CACNA1H: variants seen among roughly 807,000 people sequenced by gnomAD.
CACNA1H encodes the protein calcium voltage-gated channel subunit alpha1 H, also known as voltage-dependent T-type calcium channel subunit alpha-1H.
In CACNA1H, 149 loss-of-function variants were observed where a neutral mutation model predicts 192.5. The ratio of observed to expected loss-of-function variants is 0.77; its 90% CI spans 0.68 to 0.89. CACNA1H has a LOEUF of 0.89. CACNA1H is among the 40% of genes least tolerant of loss of function. CACNA1H has a pLI of 0.00. For synonymous variants in CACNA1H, 2,202 were observed against 1,475.2 expected (o/e 1.49, Z -11.29); for missense variants, 4,257 against 3,423.5 (o/e 1.24, Z -6.08).
At chr16:1,185,506 C>T (rs980101845) in intron 2 of CACNA1H, among the ~76,000 whole-genome samples, 2 of 146,430 alleles carry the variant, frequency 1.4e-5, no homozygotes, top group African/African-American at 2.5e-5. Context: ...CAGAGTCCCC[C>T]CCCCCGCCGA....
At chr16:1,199,779 G>C (rs1161190315) in intron 6 of CACNA1H, among the ~76,000 whole-genome samples, 1 of 148,786 alleles carries the variant, frequency 6.7e-6, no homozygotes, top group Non-Finnish European at 1.5e-5. Flanking sequence ...CTCACCCCTG[G>C]ATCCTCTCAG....
At position 1,206,087 on chromosome 16, in the gene CACNA1H, C is replaced by T. The variant is rs781633068; in HGVS notation, c.2604-17C>T. The T allele has an allele frequency of 1.9e-6, 3 of 1,553,402 alleles. No homozygotes were observed. Among genetic ancestry groups the T allele is most frequent in the Non-Finnish European group, 2.6e-6 (3 of 1,152,562 alleles). On this transcript the variant is annotated splice_polypyrimidine_tract_variant and intron_variant, in intron 11 of 34. Transcript: ENST00000348261. ...GGGATCGTGGCCCCGCTGACCCTCG[C>T]CCCCACCTGTCCGCAGCGTCTGGGA...
At position 1,208,008 on chromosome 16, in the gene CACNA1H, C is replaced by T. The variant is rs143582273; in HGVS notation, c.3155-5C>T. The T allele has an allele frequency of 7.3e-5, 117 of 1,598,844 alleles. No individual in the cohort carries two copies. The highest frequency in any genetic ancestry group is 5.7e-4 in the East Asian group (25 of 44,034). ...TAGGGGCCCATTCCTCCCTCTGTCC[C>T]GCAGAGCTGAAGATGTGTTCCCTGG... On this transcript the variant is annotated splice_region_variant and splice_polypyrimidine_tract_variant and intron_variant, in intron 15 of 34. Coordinates refer to ENST00000348261, the MANE Select transcript of CACNA1H (RefSeq NM_021098.3).
In CACNA1H at chr16:1,210,486, G is replaced by C. The variant is rs1043239667; in HGVS notation, c.3962G>C (p.Gly1321Ala). 2 of 1,611,634 alleles carry C rather than the reference G, an allele frequency of 1.2e-6. No individual in the cohort carries two copies. Among genetic ancestry groups the C allele is most frequent in the African/African-American group, 2.7e-5 (2 of 74,880 alleles). Residue 1321 changes from glycine (G) to alanine (A), a missense_variant, in exon 19 of 35, where the codon GGC (glycine) becomes GCC (alanine). Transcript: ENST00000348261. ...CTGGAGAGGCCTGACATTGATCCCGGCAGCACCGTGAGTCAGCCAACCCCA... is the reference window on the plus strand; with the variant it reads ...CTGGAGAGGCCTGACATTGATCCCGCCAGCACCGTGAGTCAGCCAACCCCA... ...IALERPDIDP[G>A]STERVFLSVS...
chr16:1,212,206 C>T (rs764883694), intron 25 of CACNA1H, 68 bp downstream of exon 25: 39 of 1,517,164 alleles, frequency 2.6e-5, no homozygotes, highest in African/African-American at 4.1e-5. Flanking sequence ...CCCTCCAGCC[C>T]CTCCACTCCC....
At chr16:1,184,076 A>AG (rs1282657753) in intron 2 of CACNA1H, among the ~76,000 whole-genome samples, 6 of 152,186 alleles carry the variant, frequency 3.9e-5, no homozygotes, top group African/African-American at 9.7e-5. Flanking sequence ...TGGAGCTGGT[A>AG]GGGGAGATGG....
At chr16:1,158,344 G>A (rs960101953) in intron 2 of CACNA1H, among the ~76,000 whole-genome samples, 20 of 152,142 alleles carry the variant, frequency 1.3e-4, no homozygotes, top group Non-Finnish European at 4.4e-5. Flanking sequence ...TGGGGCGATG[G>A]GAAGAGAGGC....
intron 2 of CACNA1H, among the ~76,000 whole-genome samples, chr16:1,156,091 C>T (rs950860645): frequency 1.3e-5 from 2 of 152,142 alleles, no homozygotes; most frequent in African/African-American, 2.4e-5. Flanking sequence ...GCCTCCTGCC[C>T]TTCGATGGCA....
At position 1,220,110 on chromosome 16, in the gene CACNA1H, C is replaced by G; in HGVS notation, c.6178C>G (p.Arg2060Gly). 6.7e-7 allele frequency: 1 copy of G among 1,488,640 alleles called. No individual in the cohort carries two copies. 92.2% of individuals were successfully genotyped at this position (1,488,640 alleles called of 1,614,324 possible). A position where few individuals can be genotyped will look rare whatever the true frequency, so the allele number is the denominator to read the frequency against. Residue 2060 changes from arginine (R) to glycine (G), a missense_variant, in exon 35 of 35, where the codon CGC becomes GGC. Arg to Gly is a moderately radical substitution (Grantham distance 125). Transcript: ENST00000348261. ...GGGGGGCTCCCTGCAGTCCCCACCA[C>G]GCTCCCCACGGCCCGCCAGCGTCCG... ...TQGGSLQSPPRSPRPASVRTR... is the reference protein window; with the variant it reads ...TQGGSLQSPPGSPRPASVRTR...
intron 2 of CACNA1H, among the ~76,000 whole-genome samples, chr16:1,160,802 G>A (rs1963093114): frequency 1.3e-5 from 2 of 152,180 alleles, no homozygotes; most frequent in African/African-American, 4.8e-5. Context: ...GCTGTGGGCA[G>A]AGAGATCCTT....
In CACNA1H at chr16:1,200,244, G is replaced by T; in HGVS notation, c.804-12G>T. ...GATTGTACCTTTTGGCCCTGGCTGTGCCCATCCCCAGGAACAACAACCTGA... is the reference window on the plus strand; with the variant it reads ...GATTGTACCTTTTGGCCCTGGCTGTTCCCATCCCCAGGAACAACAACCTGA... On this transcript the variant is annotated splice_polypyrimidine_tract_variant and intron_variant, in intron 6 of 34. Coordinates refer to ENST00000348261, the MANE Select transcript of CACNA1H (RefSeq NM_021098.3). The T allele has an allele frequency of 1.3e-6, 2 of 1,586,414 alleles. No individual in the cohort carries two copies. Among genetic ancestry groups the T allele is most frequent in the Non-Finnish European group, 1.7e-6 (2 of 1,165,362 alleles).
At chr16:1,155,689 C>A (rs1017903375) in intron 2 of CACNA1H, among the ~76,000 whole-genome samples, 1 of 152,150 alleles carries the variant, frequency 6.6e-6, no homozygotes, top group Non-Finnish European at 1.5e-5. Flanking sequence ...GCCTGGCTGT[C>A]CTGTCCCCTC....
intron 8 of CACNA1H, 101 bp downstream of exon 8, chr16:1,200,909 C>G (rs1967794331): frequency 2.3e-6 from 2 of 884,436 alleles, no homozygotes; most frequent in South Asian, 1.4e-5. Context: ...TGTCTGTCTT[C>G]CAGCTGAAGG....
At chr16:1,188,661 C>A (rs376077531) in intron 2 of CACNA1H, among the ~76,000 whole-genome samples, 1 of 152,234 alleles carries the variant, frequency 6.6e-6, no homozygotes, top group Non-Finnish European at 1.5e-5. Flanking sequence ...CAGAGCTATG[C>A]GCTTTCAAGC....
In CACNA1H at chr16:1,196,893, G is replaced by A. The variant is rs116134478; in HGVS notation, c.643+870G>A. Among the ~76,000 whole-genome samples, 1,301 of 152,296 alleles carry A rather than the reference G, an allele frequency of 8.5e-3. 23 individuals carry two copies. The highest frequency in any genetic ancestry group is 0.029 in the African/African-American group (1,215 of 41,560). ...TCCTGGGGGTCGGCGCGGCCCCCAC[G>A]AGGCCGTACCAGGCGCGAGTGCATA... is the stretch of plus-strand genomic sequence containing the variant. On this transcript the variant is annotated intron_variant, in intron 5 of 34. Coordinates refer to ENST00000348261, the MANE Select transcript of CACNA1H (RefSeq NM_021098.3).
intron 2 of CACNA1H, among the ~76,000 whole-genome samples, chr16:1,155,913 C>T (rs1177286066): frequency 2.0e-5 from 3 of 152,112 alleles, no homozygotes; most frequent in Admixed American, 6.5e-5. Flanking sequence ...GAGGAGCTGT[C>T]CTTTTGGGCT....
chr16:1,207,676 C>A, intron 14 of CACNA1H, 94 bp from the exon 15 acceptor site: 2 of 1,185,236 alleles, frequency 1.7e-6, no homozygotes, highest in Admixed American at 2.0e-5. Context: ...TCTGTCCACA[C>A]CCCACCTCCC....
intron 2 of CACNA1H, among the ~76,000 whole-genome samples, chr16:1,187,661 C>T (rs1966207245): frequency 6.6e-6 from 1 of 152,208 alleles, no homozygotes; most frequent in Non-Finnish European, 1.5e-5. Context: ...GCAGGGAGCC[C>T]TGCTGGGATC....
rs772785163 is a variant in CACNA1H, at chr16:1,220,177, G to T, written c.6245G>T (p.Arg2082Leu). Reference protein sequence around the residue: ...HTFGQRCVSSRPAAPGGEEAE... With the variant: ...HTFGQRCVSSLPAAPGGEEAE... Reference sequence around the variant, plus strand: ...TTCGGACAGCGCTGCGTCTCCAGCCGGCCGGCGGCCCCAGGCGGAGAGGAG... The same window carrying T: ...TTCGGACAGCGCTGCGTCTCCAGCCTGCCGGCGGCCCCAGGCGGAGAGGAG... Residue 2082 changes from arginine (R) to leucine (L), a missense_variant, in exon 35 of 35, where the codon CGG (arginine) becomes CTG (leucine). Coordinates refer to ENST00000348261, the MANE Select transcript of CACNA1H (RefSeq NM_021098.3). 2.0e-6 allele frequency: 3 copies of T among 1,520,226 alleles called. No homozygotes were observed. The allele number at this position is 1,520,226 out of a possible 1,614,324, so 94.2% of individuals were successfully genotyped here.
Sources: gnomAD v4.1 joint callset for allele counts (sites outside exome capture counted in the v4.1 genomes callset) on GRCh38, gnomAD v4.1.1 for gene constraint, MANE v1.5 for transcripts, NCBI Gene and HGNC (gene_info 2026-07-23, HGNC 2026-07-21) for gene names.